LRRC4C: variants seen among roughly 807,000 people sequenced by gnomAD.
LRRC4C encodes leucine-rich repeat-containing protein 4C.
LRRC4C carries 5 observed loss-of-function variants against 33.6 expected under a neutral mutation model. That is an observed-to-expected ratio of 0.15 (90% CI 0.08 to 0.31). The LOEUF (loss-of-function observed/expected upper bound fraction) is 0.31, where lower values mean the gene tolerates loss of function less well. LRRC4C is among the 10% of genes least tolerant of loss of function. The probability of loss-of-function intolerance (pLI) is 1.00; values close to 1 mark genes in which losing one functional copy is unlikely to be tolerated. For missense variants in LRRC4C, 560 were observed against 796.7 expected (o/e 0.70, Z 3.58); for synonymous variants, 329 against 302.0 (o/e 1.09, Z -0.93).
chr11:41,122,673 G>C (rs1295961632), intron 1 of LRRC4C, among the ~76,000 whole-genome samples: 1 of 151,686 alleles, frequency 6.6e-6, no homozygotes, highest in East Asian at 1.9e-4. Flanking sequence ...AGAAAAAATT[G>C]GGCCAAACAT....
chr11:40,608,818 G>A (rs893086442), intron 3 of LRRC4C, among the ~76,000 whole-genome samples: 1 of 152,018 alleles, frequency 6.6e-6, no homozygotes, highest in Non-Finnish European at 1.5e-5. Flanking sequence ...AATCCAAAAT[G>A]ACACAAGAGA....
chr11:40,532,442 G>T (rs1956308148), intron 3 of LRRC4C, among the ~76,000 whole-genome samples: 1 of 151,696 alleles, frequency 6.6e-6, no homozygotes, highest in South Asian at 2.1e-4. Context: ...TTGGATTAAG[G>T]TTGATTATAT....
Position 40,848,247 on chromosome 11 carries a change from C to T in LRRC4C, c.-407+85388G>A, listed in dbSNP as rs138401204. Among the ~76,000 whole-genome samples the T allele has an allele frequency of 7.0e-3, 1,069 of 152,048 alleles. 24 individuals are homozygous for T. Among genetic ancestry groups the T allele is most frequent in the African/African-American group, 0.024 (1,015 of 41,474 alleles). The stretch of plus-strand genomic sequence containing the variant: ...TCGTTTAATTGTGATGTTAGCGTGT[C>T]GATTTTAGATCTTTCCTGCTTTCTC... On this transcript the variant is annotated intron_variant, in intron 2 of 6. Coordinates refer to ENST00000528697, the MANE Select transcript of LRRC4C (RefSeq NM_001258419.2).
At chr11:41,316,784 T>G (rs905045268) in intron 1 of LRRC4C, among the ~76,000 whole-genome samples, 1 of 152,220 alleles carries the variant, frequency 6.6e-6, no homozygotes, top group Non-Finnish European at 1.5e-5. Context: ...GCAACCACTC[T>G]GTATCAGAAT....
At chr11:41,417,839 C>G (rs1019242198) in intron 1 of LRRC4C, among the ~76,000 whole-genome samples, 3 of 151,594 alleles carry the variant, frequency 2.0e-5, no homozygotes, top group Non-Finnish European at 4.4e-5. Context: ...ATGCTTTAAT[C>G]CCTATTTTTT....
intron 1 of LRRC4C, among the ~76,000 whole-genome samples, chr11:41,381,673 A>G (rs983332728): frequency 4.6e-5 from 7 of 151,934 alleles, no homozygotes; most frequent in African/African-American, 1.4e-4. Context: ...ATAATAAGCA[A>G]TTCTAAAATG....
chr11:40,992,629 C>G (rs75609101), intron 1 of LRRC4C, among the ~76,000 whole-genome samples: 16 of 152,010 alleles, frequency 1.1e-4, no homozygotes, highest in Non-Finnish European at 1.8e-4. Flanking sequence ...AATGAAATTA[C>G]GTTGTTTGAT....
At chr11:40,609,141 T>G (rs72890718) in intron 3 of LRRC4C, among the ~76,000 whole-genome samples, 1 of 152,044 alleles carries the variant, frequency 6.6e-6, no homozygotes, top group Non-Finnish European at 1.5e-5. Flanking sequence ...GCACATAGAA[T>G]ATTCTTCAGG....
At chr11:40,280,290 A>G (rs566281902) in intron 4 of LRRC4C, among the ~76,000 whole-genome samples, 2 of 152,360 alleles carry the variant, frequency 1.3e-5, no homozygotes, top group South Asian at 4.1e-4. Flanking sequence ...TCTTGGCTTC[A>G]GTGAACAGCA....
At chr11:41,395,956 C>T (rs931528852) in intron 1 of LRRC4C, among the ~76,000 whole-genome samples, 5 of 151,972 alleles carry the variant, frequency 3.3e-5, no homozygotes, top group African/African-American at 1.2e-4. Flanking sequence ...TCCAATCTGC[C>T]ACCCATGGGC....
intron 1 of LRRC4C, among the ~76,000 whole-genome samples, chr11:41,269,053 TTA>T (rs1210083061): frequency 2.0e-5 from 3 of 152,130 alleles, no homozygotes; most frequent in African/African-American, 7.2e-5. Context: ...AATTATTAGG[TTA>T]TACTAATAGC....
At chr11:40,440,299 C>CT (rs66998647) in intron 3 of LRRC4C, among the ~76,000 whole-genome samples, 8,509 of 131,762 alleles carry the variant, frequency 0.065, 310 homozygotes, top group Middle Eastern at 0.08. Context: ...TGGTCTCTTT[C>CT]TTTTTTTTTT....
At chr11:40,313,209 C>G (rs1201806599) in intron 4 of LRRC4C, among the ~76,000 whole-genome samples, 1 of 152,072 alleles carries the variant, frequency 6.6e-6, no homozygotes, top group Non-Finnish European at 1.5e-5. Flanking sequence ...TCCTCCCAGG[C>G]CTTTCACCAT....
intron 1 of LRRC4C, among the ~76,000 whole-genome samples, chr11:41,234,542 A>C (rs1246494712): frequency 6.6e-6 from 1 of 152,072 alleles, no homozygotes; most frequent in East Asian, 1.9e-4. Flanking sequence ...GAATATTAAA[A>C]TGAATTTCAG....
At chr11:40,621,576 T>C (rs892019106) in intron 3 of LRRC4C, among the ~76,000 whole-genome samples, 6 of 151,728 alleles carry the variant, frequency 4.0e-5, no homozygotes. Flanking sequence ...CATGAGATGC[T>C]TTTAGCAATG....
chr11:40,500,320 ACACACACACACAC>A (rs1954695735), intron 3 of LRRC4C, among the ~76,000 whole-genome samples: 1 of 148,664 alleles, frequency 6.7e-6, no homozygotes, highest in African/African-American at 2.5e-5. Flanking sequence ...ACACACACAC[ACACACACACACAC>A]ATTATATATA....
At position 40,858,958 on chromosome 11, in the gene LRRC4C, C is replaced by T. The variant is rs1295734189; in HGVS notation, c.-407+74677G>A. Reference sequence around the variant, plus strand: ...CAAAAACTGTTAAATCTTTTAAATTCTTTGAGAGCCACATGGCAAGATACC... The same window carrying T: ...CAAAAACTGTTAAATCTTTTAAATTTTTTGAGAGCCACATGGCAAGATACC... On this transcript the variant is annotated intron_variant, in intron 2 of 6. Transcript: ENST00000528697. 2.0e-5 allele frequency among the ~76,000 whole-genome samples: 3 copies of T among 152,158 alleles called. No homozygotes were observed. The South Asian group carries it at 6.2e-4, about 32-fold the overall frequency.
At chr11:40,901,093 G>A (rs756348261) in intron 2 of LRRC4C, among the ~76,000 whole-genome samples, 4 of 151,928 alleles carry the variant, frequency 2.6e-5, no homozygotes, top group Admixed American at 6.6e-5. Context: ...GTCTCTTTAA[G>A]CAAAATATTT....
At chr11:40,289,265 C>G (rs971047967) in intron 4 of LRRC4C, among the ~76,000 whole-genome samples, 1 of 152,146 alleles carries the variant, frequency 6.6e-6, no homozygotes, top group African/African-American at 2.4e-5. Flanking sequence ...ATAACCATAA[C>G]AAACAGCCAT....
Sources: allele counts gnomAD v4.1 joint callset (sites outside exome capture counted in the v4.1 genomes callset), GRCh38; gene constraint gnomAD v4.1.1; transcripts MANE v1.5; gene names NCBI Gene and HGNC (gene_info 2026-07-23, HGNC 2026-07-21).